Variants in ZNF740 observed in about 807,000 individuals in gnomAD.
The protein encoded by ZNF740 is zinc finger protein 740.
ZNF740 carries 14 observed loss-of-function variants against 24.8 expected under a neutral mutation model. The observed-to-expected ratio is 0.56, with a 90% confidence interval of 0.37 to 0.88. The LOEUF (loss-of-function observed/expected upper bound fraction) is 0.88, where lower values mean the gene tolerates loss of function less well. ZNF740 is among the 40% of genes least tolerant of loss of function. The probability of loss-of-function intolerance (pLI) is 0.00; values close to 1 mark genes in which losing one functional copy is unlikely to be tolerated. For synonymous variants in ZNF740, 69 were observed against 84.0 expected (o/e 0.82, Z 0.98); for missense variants, 201 against 247.9 (o/e 0.81, Z 1.27).
Position 53,184,920 on chromosome 12 carries a change from A to C in ZNF740, c.39A>C (p.Ala13=). The change falls in exon 3 of 7, where the codon GCA becomes GCC. Residue 13 remains alanine, a synonymous_variant. Transcript: ENST00000416904. ...GTCTCCTGGCTTGTGAAGGCCTAGCAGGTGTGAGTTTGGTTCCCACTGCAG... is the reference window on the plus strand; with the variant it reads ...GTCTCCTGGCTTGTGAAGGCCTAGCCGGTGTGAGTTTGGTTCCCACTGCAG... ...QASLLACEGL[A]GVSLVPTAAS... 6.2e-7 allele frequency: 1 copy of C among 1,613,838 alleles called. No homozygotes were observed. Among genetic ancestry groups the C allele is most frequent in the Non-Finnish European group, 8.5e-7 (1 of 1,179,826 alleles).
At position 53,187,572 on chromosome 12, in the gene ZNF740, C is replaced by A. The variant is rs371041666; in HGVS notation, c.564C>A (p.Asp188Glu). The change falls in exon 7 of 7, where the codon GAC becomes GAA. Residue 188 changes from aspartate (D) to glutamate (E), a missense_variant. Physicochemically the swap from Asp to Glu is conservative, Grantham distance 45. This residue lies in a region of ZNF740 where 24 missense variants were observed against 17.8 expected (regional missense o/e 1.35). Transcript: ENST00000416904. ...MCQGCQSKTS[D>E]GQFSL is the part of the protein sequence containing the mutation. The stretch of plus-strand genomic sequence containing the variant: ...AAGGGTGCCAGTCCAAGACTTCCGA[C>A]GGGCAGTTTTCTCTATAGGCGCAAG... The A allele has an allele frequency of 1.2e-6, 2 of 1,613,840 alleles. No individual in the cohort carries two copies. Among genetic ancestry groups the A allele is most frequent in the Non-Finnish European group, 1.7e-6 (2 of 1,179,872 alleles).
intron 1 of ZNF740, 87 bp downstream of exon 1, chr12:53,180,924 AG>A: frequency 2.3e-6 from 1 of 440,432 alleles, no homozygotes; most frequent in Non-Finnish European, 2.6e-6. Flanking sequence ...CCGCGCGGGA[AG>A]GGGGAGGGGA....
intron 1 of ZNF740, chr12:53,181,466 G>GGA: frequency 4.1e-6 from 4 of 985,412 alleles, no homozygotes; most frequent in Non-Finnish European, 4.8e-6. Context: ...TTCCTCCATA[G>GGA]GAGGCCCCAA....
chr12:53,191,398 C>T lies in ZNF740; in HGVS notation c.*3808C>T, dbSNP rs549175733. 3.0e-6 allele frequency: 2 copies of T among 663,638 alleles called. No individual in the cohort carries two copies. Among genetic ancestry groups the T allele is most frequent in the South Asian group, 1.7e-5 (1 of 59,594 alleles). 41.1% of individuals were successfully genotyped at this position (663,638 alleles called of 1,614,324 possible). A position where few individuals can be genotyped will look rare whatever the true frequency, so the allele number is the denominator to read the frequency against. ...CAAGGTTGCAGGCATGGGAAGCAGC[C>T]CTCTTGGGTGTCACTCTGAAAATGA... On this transcript the variant is annotated 3_prime_UTR_variant, in exon 7 of 7. Coordinates refer to ENST00000416904, the MANE Select transcript of ZNF740 (RefSeq NM_001004304.4).
At chr12:53,184,803 G>A (rs550010671) in intron 2 of ZNF740, 88 bp from the exon 3 acceptor site, 3 of 1,447,816 alleles carry the variant, frequency 2.1e-6, no homozygotes, top group Admixed American at 4.0e-5. Flanking sequence ...TTTGTAGCAG[G>A]GTGTAAAAGG....
At position 53,192,652 on chromosome 12, in the gene ZNF740, T is replaced by G. The variant is rs1247516446; in HGVS notation, c.*5062T>G. ...ATGGGAGTAGCTCAACAAGCCCCAC[T>G]GTGCCCCTGCTCCCAAGATGCAAGA... On this transcript the variant is annotated 3_prime_UTR_variant, in exon 7 of 7. Coordinates refer to ENST00000416904, the MANE Select transcript of ZNF740 (RefSeq NM_001004304.4). 6.2e-7 allele frequency: 1 copy of G among 1,604,554 alleles called. No homozygotes were observed. The highest frequency in any genetic ancestry group is 1.1e-5 in the South Asian group (1 of 90,866).
rs1942025213 is a variant in ZNF740 at position 53,193,104 on chromosome 12, C to T, written c.*5514C>T. On this transcript the variant is annotated 3_prime_UTR_variant, in exon 7 of 7. Coordinates refer to ENST00000416904, the MANE Select transcript of ZNF740 (RefSeq NM_001004304.4). The stretch of plus-strand genomic sequence containing the variant: ...GAGCCTAAGTGCCTTGGGAAGGCCT[C>T]TCAGACCCCGCCCTTCTCCCCAAGG... The T allele has an allele frequency of 3.8e-6, 6 of 1,568,748 alleles. No individual in the cohort carries two copies. The highest frequency in any genetic ancestry group is 5.2e-6 in the Non-Finnish European group (6 of 1,147,586).
rs1008906618 is a variant in ZNF740, at chr12:53,181,729, G to A, written c.-255G>A. The A allele has an allele frequency of 2.2e-5, 11 of 504,872 alleles. No homozygotes were observed. Among genetic ancestry groups the A allele is most frequent in the African/African-American group, 2.0e-4 (10 of 50,346 alleles). 31.3% of individuals were successfully genotyped at this position (504,872 alleles called of 1,614,324 possible). A position where few individuals can be genotyped will look rare whatever the true frequency, so the allele number is the denominator to read the frequency against. ...CAAGAGAATTCAACTGGAAAACCAA[G>A]ACTGGTAGACTCTCTTTTTCTTCAG... On this transcript the variant is annotated 5_prime_UTR_variant, in exon 2 of 7. Transcript: ENST00000416904.
rs1941933984 is a variant in ZNF740 at position 53,191,344 on chromosome 12, A to G, written c.*3754A>G. 3.4e-6 allele frequency: 2 copies of G among 581,472 alleles called. No homozygotes were observed. Among genetic ancestry groups the G allele is most frequent in the Non-Finnish European group, 6.2e-6 (2 of 323,662 alleles). 36.0% of individuals were successfully genotyped at this position (581,472 alleles called of 1,614,324 possible). Reference sequence around the variant, plus strand: ...GTGGTCTGAGGTAAGACTTTATTGTATACTTGGGTGGGGTAGCCCAGATGG... The same window carrying G: ...GTGGTCTGAGGTAAGACTTTATTGTGTACTTGGGTGGGGTAGCCCAGATGG... On this transcript the variant is annotated 3_prime_UTR_variant, in exon 7 of 7. Transcript: ENST00000416904.
intron 6 of ZNF740, 93 bp from the exon 7 acceptor site, chr12:53,187,408 G>C: frequency 9.9e-7 from 1 of 1,013,620 alleles, no homozygotes; most frequent in Non-Finnish European, 1.5e-6. Context: ...AGGGGATGGA[G>C]AATGTGGTAT....
rs747613563 is a variant in ZNF740, at chr12:53,192,458, G to A, written c.*4868G>A. ...ATCCAAGATAGGGGCCAAGGCCAGG[G>A]TCACATTGGTATGGGCACAAGCTGT... On this transcript the variant is annotated 3_prime_UTR_variant, in exon 7 of 7. Transcript: ENST00000416904. The A allele has an allele frequency of 3.7e-6, 6 of 1,614,180 alleles. No individual in the cohort carries two copies. Among genetic ancestry groups the A allele is most frequent in the Non-Finnish European group, 5.1e-6 (6 of 1,180,030 alleles).
chr12:53,184,150 T>TGTGTGTGTGTGTGTGTGC (rs59250662), intron 2 of ZNF740, among the ~76,000 whole-genome samples: 35 of 104,418 alleles, frequency 3.4e-4, no homozygotes, highest in East Asian at 2.0e-3. Context: ...TGTGTGTGTG[T>TGTGTGTGTGTGTGTGTGC]GCGCGCGCGC....
chr12:53,186,517 T>C lies in ZNF740; in HGVS notation c.492+8T>C. The C allele has an allele frequency of 1.3e-6, 2 of 1,549,674 alleles. No individual in the cohort carries two copies. Among genetic ancestry groups the C allele is most frequent in the Non-Finnish European group, 1.7e-6 (2 of 1,143,406 alleles). The stretch of plus-strand genomic sequence containing the variant: ...TGTGAACGGTGTCATCAGGTAAGGC[T>C]CATCCCTGCTACAATACCCCACACA... On this transcript the variant is annotated splice_region_variant and intron_variant, in intron 6 of 6. Transcript: ENST00000416904.
chr12:53,181,882 G>T lies in ZNF740; in HGVS notation c.-102G>T, dbSNP rs1331227886. On this transcript the variant is annotated 5_prime_UTR_variant, in exon 2 of 7. Coordinates refer to ENST00000416904, the MANE Select transcript of ZNF740 (RefSeq NM_001004304.4). ...AGGACTGATGGGACACGAAGGAGTC[G>T]CTACCGTGATTTGGTGACAGTTCTT... The T allele has an allele frequency of 2.1e-5, 31 of 1,457,314 alleles. No individual in the cohort carries two copies. The highest frequency in any genetic ancestry group is 2.8e-5 in the Non-Finnish European group (30 of 1,062,434). The allele number at this position is 1,457,314 out of a possible 1,614,324, so 90.3% of individuals were successfully genotyped here. A position where few individuals can be genotyped will look rare whatever the true frequency, so the allele number is the denominator to read the frequency against.
Position 53,182,613 on chromosome 12 carries a change from T to G in ZNF740, c.9+621T>G, listed in dbSNP as rs546296659. ...ATGGAGGTTGAAAGATGCATAGGAT[T>G]TTGCTAAACAAGCGAGAAGGGTGTT... On this transcript the variant is annotated intron_variant, in intron 2 of 6. Transcript: ENST00000416904. Among the ~76,000 whole-genome samples, 50 of 152,066 alleles carry G rather than the reference T, an allele frequency of 3.3e-4. 1 individual carries two copies. The South Asian group carries it at 0.01, about 32-fold the overall frequency.
Position 53,187,711 on chromosome 12 carries a change from C to A in ZNF740, c.*121C>A. On this transcript the variant is annotated 3_prime_UTR_variant, in exon 7 of 7. Transcript: ENST00000416904. ...CTGTCCCACTCCTGGAGGAGTGGAC[C>A]CAGGAGACCAGAAGAGTGCATCAGG... The A allele has an allele frequency of 1.3e-6, 1 of 748,136 alleles. No homozygotes were observed. The highest frequency in any genetic ancestry group is 1.6e-5 in the South Asian group (1 of 62,936). 46.3% of individuals were successfully genotyped at this position (748,136 alleles called of 1,614,324 possible).
chr12:53,192,200 C>G lies in ZNF740; in HGVS notation c.*4610C>G. 8.2e-7 allele frequency: 1 copy of G among 1,226,066 alleles called. No homozygotes were observed. The allele number at this position is 1,226,066 out of a possible 1,614,324, so 75.9% of individuals were successfully genotyped here. A position where few individuals can be genotyped will look rare whatever the true frequency, so the allele number is the denominator to read the frequency against. On this transcript the variant is annotated 3_prime_UTR_variant, in exon 7 of 7. Coordinates refer to ENST00000416904, the MANE Select transcript of ZNF740 (RefSeq NM_001004304.4). ...GCCTCGTCCACTTGCTCAATTGCCT[C>G]TGCCTTTGTCCTGGATTCACAGTTC...
At chr12:53,181,547 ACT>A in intron 1 of ZNF740, 128 bp from the exon 2 acceptor site, 1 of 961,438 alleles carries the variant, frequency 1.0e-6, no homozygotes, top group South Asian at 4.7e-5. Context: ...TAGAAAGAAA[ACT>A]CTTCTTGACT....
rs1592391732 is a variant in ZNF740 at position 53,190,278 on chromosome 12, C to T, written c.*2688C>T. 1 of 152,706 alleles carries T rather than the reference C, an allele frequency of 6.5e-6. No homozygotes were observed. The highest frequency in any genetic ancestry group is 6.5e-5 in the Admixed American group (1 of 15,292). 9.5% of individuals were successfully genotyped at this position (152,706 alleles called of 1,614,324 possible). On this transcript the variant is annotated 3_prime_UTR_variant, in exon 7 of 7. Coordinates refer to ENST00000416904, the MANE Select transcript of ZNF740 (RefSeq NM_001004304.4). ...TCACACCGCTGCAGAGGCTCCTGGG[C>T]CCAATGCCCGACCCCTGCTGGCCAG...
Sources: gnomAD v4.1 joint callset for allele counts (sites outside exome capture counted in the v4.1 genomes callset) on GRCh38, gnomAD v4.1.1 for gene constraint, gnomAD v4.1.1 regional missense constraint, MANE v1.5 for transcripts, NCBI Gene and HGNC (gene_info 2026-07-23, HGNC 2026-07-21) for gene names.